The following ASTN2 variants were observed in gnomAD, a reference collection of about 807,000 sequenced individuals.
The protein encoded by ASTN2 is astrotactin-2.
ASTN2 carries 54 observed loss-of-function variants against 139.8 expected under a neutral mutation model. The observed-to-expected ratio is 0.39, with a 90% confidence interval of 0.31 to 0.48. The LOEUF is 0.48. ASTN2 is among the 20% of genes least tolerant of loss of function. The pLI is 0.95. For synonymous variants in ASTN2, 756 were observed against 719.5 expected, an observed-to-expected ratio of 1.05 and a Z score of -0.81; for missense variants, 1,565 against 1,725.1, an observed-to-expected ratio of 0.91 and a Z score of 1.64.
At chr9:116,731,352 G>C (rs1828779269) in intron 14 of ASTN2, among the ~76,000 whole-genome samples, 1 of 151,770 alleles carries the variant, frequency 6.6e-6, no homozygotes, top group African/African-American at 2.4e-5. Flanking sequence ...TTATATACAT[G>C]ATCTTTATTT....
intron 16 of ASTN2, among the ~76,000 whole-genome samples, chr9:116,703,690 A>C (rs1358801324): frequency 6.6e-6 from 1 of 150,840 alleles, no homozygotes; most frequent in Non-Finnish European, 1.5e-5. Flanking sequence ...ACTAACCTGC[A>C]CAATGTGCAC....
intron 5 of ASTN2, among the ~76,000 whole-genome samples, chr9:117,054,340 G>A (rs10119031): frequency 0.17 from 26,421 of 152,132 alleles, 2,540 homozygotes; most frequent in African/African-American, 0.24. Flanking sequence ...GTGCCACCTG[G>A]AGCAAATCCC....
chr9:116,828,528 A>AT (rs1290031663), intron 11 of ASTN2, among the ~76,000 whole-genome samples: 1 of 152,168 alleles, frequency 6.6e-6, no homozygotes, highest in Non-Finnish European at 1.5e-5. Flanking sequence ...TCCTTTGATG[A>AT]TAAAAAAAAT....
intron 10 of ASTN2, among the ~76,000 whole-genome samples, chr9:116,958,518 G>C (rs947745639): frequency 3.3e-5 from 5 of 152,122 alleles, no homozygotes; most frequent in African/African-American, 9.7e-5. Flanking sequence ...GAACCCGGGA[G>C]GTGGAGCTTG....
At chr9:116,889,144 A>G (rs1388023414) in intron 10 of ASTN2, among the ~76,000 whole-genome samples, 1 of 152,094 alleles carries the variant, frequency 6.6e-6, no homozygotes, top group African/African-American at 2.4e-5. Context: ...TTGGCCTCCC[A>G]AAGTGCTGGG....
At chr9:117,037,371 C>T (rs891223848) in intron 6 of ASTN2, among the ~76,000 whole-genome samples, 3 of 152,004 alleles carry the variant, frequency 2.0e-5, no homozygotes, top group Admixed American at 6.6e-5. Context: ...ATTTCTCAGC[C>T]ACATGCTGTC....
intron 2 of ASTN2, among the ~76,000 whole-genome samples, chr9:117,257,173 A>AT (rs1299469900): frequency 3.3e-5 from 5 of 152,094 alleles, no homozygotes; most frequent in African/African-American, 1.2e-4. Context: ...TTTCCATTTG[A>AT]TTTTGATGAA....
chr9:117,286,577 A>G (rs1449160406), intron 2 of ASTN2, among the ~76,000 whole-genome samples: 1 of 152,200 alleles, frequency 6.6e-6, no homozygotes, highest in African/African-American at 2.4e-5. Context: ...TCACAAACTT[A>G]GCTGGCAAAT....
At chr9:117,201,737 C>T (rs1564475068) in intron 3 of ASTN2, among the ~76,000 whole-genome samples, 5 of 152,072 alleles carry the variant, frequency 3.3e-5, no homozygotes, top group Non-Finnish European at 1.5e-5. Context: ...TTTGCATTTG[C>T]TGAGGAGTGT....
chr9:117,114,538 A>T (rs1028069822), intron 4 of ASTN2, among the ~76,000 whole-genome samples: 1 of 152,218 alleles, frequency 6.6e-6, no homozygotes, highest in Admixed American at 6.5e-5. Context: ...TGGAATAGCA[A>T]AAAATTATTG....
intron 10 of ASTN2, among the ~76,000 whole-genome samples, chr9:116,872,160 C>T (rs1192404729): frequency 1.3e-5 from 2 of 152,158 alleles, no homozygotes; most frequent in Middle Eastern, 3.4e-3. Flanking sequence ...GATTGGGTTT[C>T]ACCATGTTGG....
chr9:117,017,621 T>C (rs1186184997), intron 6 of ASTN2, among the ~76,000 whole-genome samples: 2 of 152,224 alleles, frequency 1.3e-5, no homozygotes, highest in Non-Finnish European at 2.9e-5. Flanking sequence ...AGAGCTTCTA[T>C]GGAAATTAAA....
intron 5 of ASTN2, among the ~76,000 whole-genome samples, chr9:117,083,278 T>C (rs1328484106): frequency 6.6e-6 from 1 of 152,228 alleles, no homozygotes; most frequent in Non-Finnish European, 1.5e-5. Context: ...AAATTTATCC[T>C]TCCCAGACTT....
At chr9:117,224,482 C>T (rs1379555099) in intron 2 of ASTN2, among the ~76,000 whole-genome samples, 2 of 152,214 alleles carry the variant, frequency 1.3e-5, no homozygotes, top group African/African-American at 4.8e-5. Flanking sequence ...TTCCCAGCTG[C>T]ATTCCTCCCA....
At chr9:117,400,425 T>A (rs1271018208) in intron 1 of ASTN2, among the ~76,000 whole-genome samples, 1 of 152,162 alleles carries the variant, frequency 6.6e-6, no homozygotes, top group African/African-American at 2.4e-5. Context: ...TAGAGGCTTC[T>A]GTGGTTTGGA....
At chr9:117,143,091 G>A (rs938302210) in intron 3 of ASTN2, among the ~76,000 whole-genome samples, 5 of 152,152 alleles carry the variant, frequency 3.3e-5, no homozygotes, top group African/African-American at 9.7e-5. Context: ...AGACCTAGAG[G>A]GCTTGTTCTG....
intron 2 of ASTN2, among the ~76,000 whole-genome samples, chr9:117,227,329 T>A (rs893598750): frequency 1.3e-5 from 2 of 152,268 alleles, no homozygotes; most frequent in Non-Finnish European, 2.9e-5. Flanking sequence ...ACTTTGTTCA[T>A]GGCCTTAATA....
chr9:117,044,891 C>T (rs1028461154), intron 5 of ASTN2, among the ~76,000 whole-genome samples: 5 of 152,178 alleles, frequency 3.3e-5, no homozygotes, highest in African/African-American at 1.2e-4. Context: ...TAAGTGTCTC[C>T]ATCATTTCCA....
intron 7 of ASTN2, among the ~76,000 whole-genome samples, chr9:116,991,892 A>T (rs1250909670): frequency 6.6e-6 from 1 of 152,250 alleles, no homozygotes. Flanking sequence ...TGACTGACTC[A>T]ATCTTCAGGC....
Sources: allele counts gnomAD v4.1 joint callset (sites outside exome capture counted in the v4.1 genomes callset), GRCh38; gene constraint gnomAD v4.1.1; transcripts MANE v1.5; gene names NCBI Gene and HGNC (gene_info 2026-07-23, HGNC 2026-07-21).